The following RGS10 variants were observed in gnomAD, a reference collection of about 807,000 sequenced individuals.
RGS10 encodes regulator of G-protein signalling 10.
RGS10 carries 11 observed loss-of-function variants against 23.5 expected under a neutral mutation model. That is an observed-to-expected ratio of 0.47 (90% CI 0.29 to 0.77). The LOEUF is 0.77. Ranked by LOEUF, RGS10 falls within the 30% of genes least tolerant of loss-of-function variation. The probability of loss-of-function intolerance (pLI) is 0.08; values close to 1 mark genes in which losing one functional copy is unlikely to be tolerated. For missense variants in RGS10, 180 were observed against 226.3 expected (o/e 0.80, Z 1.31); for synonymous variants, 77 against 83.2 (o/e 0.92, Z 0.41).
At chr10:119,535,271 G>A (rs1470991757) in intron 1 of RGS10, among the ~76,000 whole-genome samples, 168 of 122,260 alleles carry the variant, frequency 1.4e-3, no homozygotes, top group Middle Eastern at 4.2e-3. Context: ...AATCCATGCA[G>A]AAAAAAAAAA....
chr10:119,536,910 C>T (rs1032286587), intron 1 of RGS10, among the ~76,000 whole-genome samples: 18 of 152,196 alleles, frequency 1.2e-4, no homozygotes, highest in Admixed American at 1.0e-3. Context: ...AAGTAAATGA[C>T]TTTTTCCTCC....
chr10:119,510,248 T>C (rs1456716566), intron 4 of RGS10, among the ~76,000 whole-genome samples: 1 of 152,154 alleles, frequency 6.6e-6, no homozygotes, highest in Non-Finnish European at 1.5e-5. Flanking sequence ...TACCACAGCC[T>C]CGGGGCCTGA....
At chr10:119,525,363 T>G (rs1002118761) in intron 3 of RGS10, among the ~76,000 whole-genome samples, 1 of 152,078 alleles carries the variant, frequency 6.6e-6, no homozygotes, top group Non-Finnish European at 1.5e-5. Flanking sequence ...CAACACTCCC[T>G]CCAGCCTCAC....
At chr10:119,502,500 G>A (rs1326690290) in intron 4 of RGS10, among the ~76,000 whole-genome samples, 1 of 152,206 alleles carries the variant, frequency 6.6e-6, no homozygotes, top group Non-Finnish European at 1.5e-5. Flanking sequence ...GTCTGCATGT[G>A]GGAGAGGAAC....
intron 4 of RGS10, among the ~76,000 whole-genome samples, chr10:119,507,102 G>A (rs954967689): frequency 1.4e-4 from 21 of 152,174 alleles, no homozygotes; most frequent in Non-Finnish European, 2.2e-4. Flanking sequence ...TACACAGACA[G>A]CCAACCTCCC....
chr10:119,505,735 C>T (rs1844004421), intron 4 of RGS10, among the ~76,000 whole-genome samples: 1 of 152,202 alleles, frequency 6.6e-6, no homozygotes, highest in Non-Finnish European at 1.5e-5. Context: ...CCTCAACCAG[C>T]CTTGAAGGCC....
At chr10:119,510,662 A>G (rs1844066614) in intron 4 of RGS10, among the ~76,000 whole-genome samples, 1 of 152,298 alleles carries the variant, frequency 6.6e-6, no homozygotes, top group South Asian at 2.1e-4. Context: ...TAAAACAACA[A>G]ATCCACAAAC....
intron 3 of RGS10, among the ~76,000 whole-genome samples, chr10:119,518,754 G>T (rs1266282650): frequency 6.6e-6 from 1 of 151,654 alleles, no homozygotes; most frequent in East Asian, 1.9e-4. Context: ...GCCCAGGCTG[G>T]AGTGCAGTGG....
At chr10:119,500,612 G>A (rs968129463) in intron 4 of RGS10, among the ~76,000 whole-genome samples, 4 of 151,640 alleles carry the variant, frequency 2.6e-5, no homozygotes, top group African/African-American at 9.7e-5. Context: ...TTCTCCAAGA[G>A]CTTGAGACAG....
intron 4 of RGS10, among the ~76,000 whole-genome samples, chr10:119,509,727 G>A (rs981349551): frequency 1.3e-5 from 2 of 152,188 alleles, no homozygotes; most frequent in African/African-American, 2.4e-5. Context: ...GCTTGGCAGC[G>A]CAGCTCAGAG....
Position 119,524,868 on chromosome 10 carries a change from C to T in RGS10, c.255+1164G>A, listed in dbSNP as rs1233124155. 6.6e-6 allele frequency among the ~76,000 whole-genome samples: 1 copy of T among 152,156 alleles called. No homozygotes were observed. Among genetic ancestry groups the T allele is most frequent in the East Asian group, 1.9e-4 (1 of 5,180 alleles). On this transcript the variant is annotated intron_variant, in intron 3 of 4. Coordinates refer to ENST00000369103, the MANE Select transcript of RGS10 (RefSeq NM_001005339.2). The surrounding 1 kb of genome is among the most constrained non-coding windows in gnomAD (Gnocchi z 5.2). ...AGGTGGTGGAGAAAAGGCCGCGCTG[C>T]GCCATCCAGGAGGATGGGTGTCTGC...
intron 3 of RGS10, among the ~76,000 whole-genome samples, chr10:119,522,719 A>AG (rs1303654923): frequency 2.5e-5 from 1 of 40,398 alleles, no homozygotes; most frequent in Non-Finnish European, 5.0e-5. Flanking sequence ...ACTCCGTCTC[A>AG]AAAAAAAAAA....
Position 119,524,251 on chromosome 10 carries a change from C to A in RGS10, c.255+1781G>T, listed in dbSNP as rs1844248162. On this transcript the variant is annotated intron_variant, in intron 3 of 4. Transcript: ENST00000369103. This position sits in a 1 kb window ranked among gnomAD's most constrained non-coding sequence, Gnocchi z 5.2. ...TGTTCAGTGCTGGGCACCAAGCAGG[C>A]ACTTCACAAAGATTTGGGGAATTCA... 6.6e-6 allele frequency among the ~76,000 whole-genome samples: 1 copy of A among 152,186 alleles called. No individual in the cohort carries two copies. The highest frequency in any genetic ancestry group is 6.5e-5 in the Admixed American group (1 of 15,276).
At position 119,509,664 on chromosome 10, in the gene RGS10, G is replaced by A. The variant is rs962792481; in HGVS notation, c.399+5845C>T. 4.6e-5 allele frequency among the ~76,000 whole-genome samples: 7 copies of A among 152,214 alleles called. 1 individual carries two copies. Among genetic ancestry groups the A allele is most frequent in the Non-Finnish European group, 1.5e-5 (1 of 68,004 alleles). ...GGGGGAGTCAGATCTAAGGAAATAAGGCTGTAGTTATCAGTGACTTTTTAA... is the reference window on the plus strand; with the variant it reads ...GGGGGAGTCAGATCTAAGGAAATAAAGCTGTAGTTATCAGTGACTTTTTAA... On this transcript the variant is annotated intron_variant, in intron 4 of 4. Transcript: ENST00000369103.
intron 4 of RGS10, among the ~76,000 whole-genome samples, chr10:119,508,225 C>T (rs1405322544): frequency 2.0e-5 from 3 of 152,174 alleles, no homozygotes; most frequent in African/African-American, 7.2e-5. Context: ...GTCTCGAACT[C>T]CTGAACTCAG....
At chr10:119,519,987 A>C (rs189221058) in intron 3 of RGS10, among the ~76,000 whole-genome samples, 4 of 152,186 alleles carry the variant, frequency 2.6e-5, no homozygotes, top group African/African-American at 9.7e-5. Context: ...AAAGGAACAG[A>C]GTGGTCCCCT....
chr10:119,534,442 TTAGCCAGGCATGGTAGCACG>T (rs1029854751), intron 1 of RGS10, among the ~76,000 whole-genome samples: 2 of 144,078 alleles, frequency 1.4e-5, no homozygotes, highest in Non-Finnish European at 3.0e-5. Flanking sequence ...ATTACAAAAA[TTAGCCAGGCATGGTAGCACG>T]TGCCTATAGT....
chr10:119,541,524 T>C (rs987609994), intron 1 of RGS10, among the ~76,000 whole-genome samples: 1 of 152,164 alleles, frequency 6.6e-6, no homozygotes, highest in East Asian at 1.9e-4. Context: ...GGCTGGTGAA[T>C]ATGGCGAAGG....
chr10:119,540,606 G>C (rs1415682790), intron 1 of RGS10, among the ~76,000 whole-genome samples: 4 of 152,158 alleles, frequency 2.6e-5, no homozygotes, highest in Non-Finnish European at 5.9e-5. Flanking sequence ...TTTAAAATTT[G>C]TTGCCCTGAA....
Sources: gnomAD v4.1 joint callset for allele counts (sites outside exome capture counted in the v4.1 genomes callset) on GRCh38, gnomAD v4.1.1 for gene constraint, Gnocchi (gnomAD v3.1) non-coding constraint, MANE v1.5 for transcripts, NCBI Gene and HGNC (gene_info 2026-07-23, HGNC 2026-07-21) for gene names.